Variants in MGAT5 observed in about 807,000 individuals in gnomAD.
The protein encoded by MGAT5 is alpha-1,6-mannosylglycoprotein 6-beta-N-acetylglucosaminyltransferase A.
MGAT5 carries 30 observed loss-of-function variants against 94.3 expected under a neutral mutation model. The observed-to-expected ratio is 0.32, with a 90% CI of 0.24 to 0.43. The LOEUF (loss-of-function observed/expected upper bound fraction) is 0.43. Among genes scored for constraint, MGAT5 ranks in the 20% least tolerant of loss-of-function variants. MGAT5 has a pLI of 1.00. For missense variants in MGAT5, 691 were observed against 905.5 expected (o/e 0.76, Z 3.04); for synonymous variants, 310 against 322.9 (o/e 0.96, Z 0.43).
intron 1 of MGAT5, among the ~76,000 whole-genome samples, chr2:134,148,290 G>A (rs1174441347): frequency 6.6e-6 from 1 of 152,154 alleles, no homozygotes; most frequent in African/African-American, 2.4e-5. Context: ...AACCCTTGCT[G>A]CCCATTGGAA....
In MGAT5 at chr2:134,380,326, A is replaced by G. The variant is rs137920306; in HGVS notation, c.1380+17918A>G. Among the ~76,000 whole-genome samples the G allele has an allele frequency of 1.4e-4, 22 of 152,368 alleles. No homozygotes were observed. The East Asian group carries it at 3.3e-3, about 23-fold the overall frequency. On this transcript the variant is annotated intron_variant, in intron 10 of 15. Coordinates refer to ENST00000281923, the MANE Select transcript of MGAT5 (RefSeq NM_002410.5). ...AGTAAATATTCAAATGGTAGTTACT[A>G]TCTTTTATTTGCACCACATACTTAT...
chr2:134,311,900 A>G (rs1266506916), intron 2 of MGAT5, among the ~76,000 whole-genome samples: 1 of 152,196 alleles, frequency 6.6e-6, no homozygotes, highest in Admixed American at 6.5e-5. Flanking sequence ...GTGACACCCA[A>G]GGCACCTAGC....
chr2:134,145,843 A>T (rs1043900281), intron 1 of MGAT5, among the ~76,000 whole-genome samples: 1 of 152,220 alleles, frequency 6.6e-6, no homozygotes, highest in African/African-American at 2.4e-5. Context: ...ACTAAATGCC[A>T]GTTCTGTCTC....
chr2:134,289,568 A>C (rs548212733), intron 2 of MGAT5, among the ~76,000 whole-genome samples: 1 of 152,362 alleles, frequency 6.6e-6, no homozygotes, highest in Admixed American at 6.5e-5. Flanking sequence ...TCTGCTTGCA[A>C]GACTAACCAT....
chr2:134,130,661 CTG>C (rs1558947905), intron 1 of MGAT5, among the ~76,000 whole-genome samples: 2 of 143,530 alleles, frequency 1.4e-5, no homozygotes, highest in Non-Finnish European at 3.2e-5. Context: ...AATCAGCACT[CTG>C]TGTCTAGCTA....
At chr2:134,152,307 CTTATCACTCACG>C (rs1687251409) in intron 1 of MGAT5, among the ~76,000 whole-genome samples, 1 of 99,030 alleles carries the variant, frequency 1.0e-5, no homozygotes, top group African/African-American at 3.4e-5. Flanking sequence ...ATGGGACCCG[CTTATCACTCACG>C]CCCTATGGGA....
chr2:134,405,921 A>G (rs987879643), intron 11 of MGAT5, among the ~76,000 whole-genome samples: 9 of 152,232 alleles, frequency 5.9e-5, no homozygotes, highest in Non-Finnish European at 1.3e-4. Context: ...TGTAACACTA[A>G]TACTGGGGCT....
chr2:134,185,436 A>G (rs1172690620), intron 1 of MGAT5, among the ~76,000 whole-genome samples: 2 of 152,228 alleles, frequency 1.3e-5, no homozygotes, highest in African/African-American at 4.8e-5. Flanking sequence ...CTGATGCAGG[A>G]AAACATCAGT....
chr2:134,297,196 CAAAA>C (rs143685303), intron 2 of MGAT5, among the ~76,000 whole-genome samples: 42 of 100,462 alleles, frequency 4.2e-4, no homozygotes, highest in African/African-American at 1.4e-3. Context: ...GACCTGGTCT[CAAAA>C]AAAAAAAAAA....
intron 1 of MGAT5, among the ~76,000 whole-genome samples, chr2:134,213,893 A>T (rs1191873277): frequency 6.6e-6 from 1 of 152,114 alleles, no homozygotes; most frequent in Non-Finnish European, 1.5e-5. Flanking sequence ...GTGGGACTTC[A>T]TGGAGGCCTC....
rs537434164 is a variant in MGAT5 at position 134,134,104 on chromosome 2, CA to C, written c.-143+13815del. Among the ~76,000 whole-genome samples the C allele has an allele frequency of 1.6e-4, 25 of 152,240 alleles. 2 individuals are homozygous for C. The South Asian group carries it at 3.5e-3, about 21-fold the overall frequency. Reference sequence around the variant, plus strand: ...GACTTTTAGCAACAGGGAAGCGGGCCAAGGTGCAGCCTGACTAGTGCTTCAT... The same window carrying C: ...GACTTTTAGCAACAGGGAAGCGGGCCAGGTGCAGCCTGACTAGTGCTTCAT... On this transcript the variant is annotated intron_variant, in intron 1 of 16. Transcript: ENST00000409645.
intron 1 of MGAT5, among the ~76,000 whole-genome samples, chr2:134,133,551 A>G (rs1217102140): frequency 1.3e-5 from 2 of 152,250 alleles, no homozygotes; most frequent in South Asian, 2.1e-4. Flanking sequence ...CTTAGGTAAA[A>G]TCTGAGAAAA....
In MGAT5 at chr2:134,268,422, C is replaced by G. The variant is rs1683844655; in HGVS notation, c.242-1964C>G. 6.6e-6 allele frequency among the ~76,000 whole-genome samples: 1 copy of G among 152,222 alleles called. No individual in the cohort carries two copies. The highest frequency in any genetic ancestry group is 2.4e-5 in the African/African-American group (1 of 41,452). ...CCTTCTGTGTGACTGGCCTCTGGCACTCTTCAGAACTCTGGAGAGCCAGTT... is the reference window on the plus strand; with the variant it reads ...CCTTCTGTGTGACTGGCCTCTGGCAGTCTTCAGAACTCTGGAGAGCCAGTT... On this transcript the variant is annotated intron_variant, in intron 1 of 15. Coordinates refer to ENST00000281923, the MANE Select transcript of MGAT5 (RefSeq NM_002410.5). This position sits in a 1 kb window ranked among gnomAD's most constrained non-coding sequence, Gnocchi z 4.1.
At chr2:134,175,782 C>CA (rs1469084355) in intron 1 of MGAT5, among the ~76,000 whole-genome samples, 1 of 152,142 alleles carries the variant, frequency 6.6e-6, no homozygotes, top group Non-Finnish European at 1.5e-5. Context: ...CATGTGTGTC[C>CA]ACCTCCCTGG....
intron 14 of MGAT5, among the ~76,000 whole-genome samples, chr2:134,430,322 C>T (rs938230471): frequency 3.3e-5 from 5 of 152,192 alleles, no homozygotes; most frequent in African/African-American, 9.7e-5. Flanking sequence ...CTCAGGAATT[C>T]CAGCCAGTCT....
chr2:134,354,922 T>A (rs1413682506), intron 9 of MGAT5, among the ~76,000 whole-genome samples: 1 of 152,166 alleles, frequency 6.6e-6, no homozygotes, highest in Non-Finnish European at 1.5e-5. Context: ...AACCAGCTCT[T>A]GAAAGCTCAG....
chr2:134,171,959 G>C (rs1411421046), intron 1 of MGAT5, among the ~76,000 whole-genome samples: 1 of 152,142 alleles, frequency 6.6e-6, no homozygotes, highest in Non-Finnish European at 1.5e-5. Context: ...TGGCTCTCTT[G>C]GTACCACCCA....
chr2:134,197,612 T>C (rs780415513), intron 1 of MGAT5, among the ~76,000 whole-genome samples: 2 of 122,984 alleles, frequency 1.6e-5, no homozygotes, highest in African/African-American at 5.7e-5. Context: ...TCTTGATCAG[T>C]AGTTCTTAGT....
intron 2 of MGAT5, among the ~76,000 whole-genome samples, chr2:134,286,663 G>A (rs1180771298): frequency 1.3e-5 from 2 of 152,008 alleles, no homozygotes; most frequent in Non-Finnish European, 2.9e-5. Flanking sequence ...CAGGTGATCT[G>A]CCTGCCTCGC....
Sources: allele counts gnomAD v4.1 joint callset (sites outside exome capture counted in the v4.1 genomes callset), GRCh38; gene constraint gnomAD v4.1.1; non-coding constraint Gnocchi (gnomAD v3.1); transcripts MANE v1.5; gene names NCBI Gene and HGNC (gene_info 2026-07-23, HGNC 2026-07-21).